Variants in PAPPA2 observed in about 807,000 individuals in gnomAD.
The protein encoded by PAPPA2 is pappalysin 2.
Under a neutral mutation model 176.4 loss-of-function variants are expected in PAPPA2, and 86 were observed. The observed-to-expected ratio is 0.49, with a 90% confidence interval of 0.41 to 0.58. The LOEUF is 0.58. PAPPA2 is among the 20% of genes least tolerant of loss of function. PAPPA2 has a pLI of 0.00. For missense variants in PAPPA2, 2,073 were observed against 2,256.9 expected (o/e 0.92, Z 1.65); for synonymous variants, 809 against 852.2 (o/e 0.95, Z 0.88).
chr1:176,833,963 G>A (rs1003138637), intron 21 of PAPPA2, among the ~76,000 whole-genome samples: 1 of 152,118 alleles, frequency 6.6e-6, no homozygotes, highest in Non-Finnish European at 1.5e-5. Flanking sequence ...TAAGTTATGT[G>A]ATTCTCATAA....
intron 1 of PAPPA2, among the ~76,000 whole-genome samples, chr1:176,465,899 T>C (rs1651597601): frequency 6.6e-6 from 1 of 152,292 alleles, no homozygotes; most frequent in East Asian, 1.9e-4. Flanking sequence ...GGTATCTGGT[T>C]TTCTGTTCCT....
intron 1 of PAPPA2, among the ~76,000 whole-genome samples, chr1:176,523,790 T>C (rs2102541583): frequency 6.6e-6 from 1 of 152,336 alleles, no homozygotes; most frequent in South Asian, 2.1e-4. Flanking sequence ...TTGATGCCCC[T>C]GTGGAAATGG....
intron 3 of PAPPA2, among the ~76,000 whole-genome samples, chr1:176,628,559 G>T (rs1656164748): frequency 6.6e-6 from 1 of 152,074 alleles, no homozygotes; most frequent in South Asian, 2.1e-4. Context: ...GTGAGTGTTT[G>T]TATGTTTTGT....
At chr1:176,762,251 C>CT (rs71565480) in intron 14 of PAPPA2, among the ~76,000 whole-genome samples, 1,634 of 137,460 alleles carry the variant, frequency 0.012, 24 homozygotes, top group African/African-American at 0.039. Context: ...GGGTTTGGTC[C>CT]TTTTTTTTTT....
chr1:176,804,490 T>A (rs1331991511), intron 21 of PAPPA2, among the ~76,000 whole-genome samples: 3 of 152,174 alleles, frequency 2.0e-5, no homozygotes, highest in African/African-American at 4.8e-5. Context: ...CAAATGCCAA[T>A]AATACTGCCC....
chr1:176,502,491 C>G (rs907702005), intron 1 of PAPPA2, among the ~76,000 whole-genome samples: 1 of 152,044 alleles, frequency 6.6e-6, no homozygotes, highest in African/African-American at 2.4e-5. Context: ...TTGGGTTATA[C>G]CAAATAAGCT....
At chr1:176,728,836 G>A (rs570204058) in intron 12 of PAPPA2, among the ~76,000 whole-genome samples, 10 of 151,976 alleles carry the variant, frequency 6.6e-5, no homozygotes, top group African/African-American at 2.2e-4. Context: ...ATACATAAAT[G>A]TAGACTTAAC....
intron 3 of PAPPA2, among the ~76,000 whole-genome samples, chr1:176,655,568 ATAAGATGC>A (rs1374061738): frequency 6.6e-6 from 1 of 151,898 alleles, no homozygotes; most frequent in Non-Finnish European, 1.5e-5. Context: ...TAAATCCACA[ATAAGATGC>A]CATCTTACAC....
chr1:176,710,109 C>T lies in PAPPA2; in HGVS notation c.3584C>T (p.Ala1195Val), dbSNP rs1439886280. 1 of 1,613,864 alleles carries T rather than the reference C, an allele frequency of 6.2e-7. No individual in the cohort carries two copies. The highest frequency in any genetic ancestry group is 1.7e-5 in the Admixed American group (1 of 60,006). ...KGYLDQWATRAYSSHEDKKKC... is the reference protein window; with the variant it reads ...KGYLDQWATRVYSSHEDKKKC... ...TACTTGGATCAATGGGCTACCCGGG[C>T]TTACTCCTCTCATGAAGACAAGAAG... Residue 1195 changes from alanine to valine, a missense_variant, in exon 11 of 23, where the codon GCT (alanine) becomes GTT (valine). Ala to Val is a moderately conservative substitution (Grantham distance 64). Transcript: ENST00000367662.
intron 1 of PAPPA2, among the ~76,000 whole-genome samples, chr1:176,549,958 A>G (rs556192031): frequency 6.6e-6 from 1 of 152,370 alleles, no homozygotes; most frequent in South Asian, 2.1e-4. Context: ...AAGATAGAGA[A>G]TAGCTGTGTA....
chr1:176,481,062 G>A (rs1420612393), intron 1 of PAPPA2, among the ~76,000 whole-genome samples: 1 of 152,172 alleles, frequency 6.6e-6, no homozygotes. Context: ...GAGCAGGATT[G>A]TGAAAGAGGG....
At chr1:176,824,329 T>C (rs1666775186) in intron 21 of PAPPA2, among the ~76,000 whole-genome samples, 1 of 152,206 alleles carries the variant, frequency 6.6e-6, no homozygotes, top group Non-Finnish European at 1.5e-5. Flanking sequence ...CATGTTGAAT[T>C]TTTCTGTGTT....
chr1:176,520,605 C>A (rs780844932), intron 1 of PAPPA2, among the ~76,000 whole-genome samples: 1 of 152,128 alleles, frequency 6.6e-6, no homozygotes, highest in African/African-American at 2.4e-5. Context: ...AAGGTGAACT[C>A]ATGTTTTTTG....
chr1:176,755,743 TG>T (rs1663385271), intron 14 of PAPPA2, among the ~76,000 whole-genome samples: 1 of 152,162 alleles, frequency 6.6e-6, no homozygotes, highest in African/African-American at 2.4e-5. Flanking sequence ...TTAGGGGCAC[TG>T]ACCTCTGTAC....
intron 3 of PAPPA2, among the ~76,000 whole-genome samples, chr1:176,656,535 C>T (rs1658044295): frequency 6.6e-6 from 1 of 151,772 alleles, no homozygotes. Flanking sequence ...GGCATTACAC[C>T]AGGTTTAAAA....
intron 21 of PAPPA2, among the ~76,000 whole-genome samples, chr1:176,807,424 C>T (rs938485510): frequency 1.3e-5 from 2 of 151,628 alleles, no homozygotes; most frequent in African/African-American, 4.8e-5. Context: ...GCAGTATTTG[C>T]CATTTTAGAA....
intron 3 of PAPPA2, among the ~76,000 whole-genome samples, chr1:176,635,656 C>A (rs1384860629): frequency 6.6e-6 from 1 of 152,068 alleles, no homozygotes; most frequent in African/African-American, 2.4e-5. Context: ...TCCTTGTTCC[C>A]TTTGGCTTGG....
intron 4 of PAPPA2, among the ~76,000 whole-genome samples, chr1:176,678,430 CT>C (rs148666043): frequency 0.071 from 10,151 of 143,746 alleles, 358 homozygotes; most frequent in South Asian, 0.15. Flanking sequence ...TGGTCATTTA[CT>C]TTTTTTTTTT....
chr1:176,590,389 C>G (rs1413863428), intron 2 of PAPPA2, among the ~76,000 whole-genome samples: 1 of 152,028 alleles, frequency 6.6e-6, no homozygotes, highest in Non-Finnish European at 1.5e-5. Context: ...CAGAAATTGG[C>G]AAATGTTGCA....
Sources: allele counts gnomAD v4.1 joint callset (sites outside exome capture counted in the v4.1 genomes callset), GRCh38; gene constraint gnomAD v4.1.1; transcripts MANE v1.5; gene names NCBI Gene and HGNC (gene_info 2026-07-23, HGNC 2026-07-21).